HECTD4: variants seen among roughly 807,000 people sequenced by gnomAD.
HECTD4 encodes the protein probable E3 ubiquitin-protein ligase HECTD4.
In HECTD4, 114 loss-of-function variants were observed where a neutral mutation model predicts 471.5. The ratio of observed to expected loss-of-function variants is 0.24; its 90% CI spans 0.21 to 0.28. The LOEUF is 0.28. Ranked by LOEUF, HECTD4 falls within the 10% of genes least tolerant of loss-of-function variation. The pLI is 1.00. For synonymous variants in HECTD4, 2,012 were observed against 2,256.0 expected, an observed-to-expected ratio of 0.89 and a Z score of 3.07; for missense variants, 3,866 against 5,651.5, an observed-to-expected ratio of 0.68 and a Z score of 10.13.
Position 112,370,163 on chromosome 12 carries a change from C to T in HECTD4, c.177+11789G>A, listed in dbSNP as rs138965596. Among the ~76,000 whole-genome samples the T allele has an allele frequency of 1.2e-4, 19 of 152,224 alleles. No individual in the cohort carries two copies. The East Asian group carries it at 3.7e-3, about 29-fold the overall frequency. On this transcript the variant is annotated intron_variant, in intron 1 of 75. Coordinates refer to ENST00000682272, the MANE Select transcript of HECTD4 (RefSeq NM_001388303.1). ...ACAGATGAGAGACTGCAGTAACATA[C>T]TCTGAAGATGGAGGAAACAGCAACA... is the stretch of plus-strand genomic sequence containing the variant.
At chr12:112,174,908 C>CGTGT (rs141147690) in intron 66 of HECTD4, among the ~76,000 whole-genome samples, 2 of 151,750 alleles carry the variant, frequency 1.3e-5, no homozygotes, top group South Asian at 2.1e-4. Context: ...TGAGTAGGGG[C>CGTGT]GTGTGTGTGT....
chr12:112,168,672 C>T (rs75555218), intron 70 of HECTD4, among the ~76,000 whole-genome samples: 2,338 of 152,296 alleles, frequency 0.015, 68 homozygotes, highest in African/African-American at 0.053. Context: ...TGACTGCTGA[C>T]GCCTGGAAGG....
At chr12:112,348,814 C>T (rs2036201336) in intron 1 of HECTD4, among the ~76,000 whole-genome samples, 1 of 151,916 alleles carries the variant, frequency 6.6e-6, no homozygotes, top group Non-Finnish European at 1.5e-5. Flanking sequence ...AAAGTGCATG[C>T]ATAGGTTTTA....
intron 44 of HECTD4, among the ~76,000 whole-genome samples, chr12:112,220,972 C>T (rs1467135256): frequency 6.6e-6 from 1 of 152,094 alleles, no homozygotes; most frequent in Non-Finnish European, 1.5e-5. Context: ...TTTTTTGAGA[C>T]AAGGTCTCTC....
At chr12:112,375,029 C>T (rs540072318) in intron 1 of HECTD4, among the ~76,000 whole-genome samples, 2 of 152,032 alleles carry the variant, frequency 1.3e-5, no homozygotes, top group East Asian at 1.9e-4. Flanking sequence ...AAAGAGCCAT[C>T]GCCCCAAAAG....
chr12:112,183,321 G>GAA, intron 61 of HECTD4, 55 bp from the exon 62 acceptor site: 3 of 1,346,824 alleles, frequency 2.2e-6, no homozygotes, highest in African/African-American at 1.4e-5. Flanking sequence ...GTCATTCAGT[G>GAA]TGAGTGAACT....
chr12:112,235,401 GTCAC>G lies in HECTD4; in HGVS notation c.5725+99_5725+102del. The G allele has an allele frequency of 6.7e-7, 1 of 1,488,222 alleles. No homozygotes were observed. Among genetic ancestry groups the G allele is most frequent in the Non-Finnish European group, 9.1e-7 (1 of 1,103,558 alleles). 92.2% of individuals were successfully genotyped at this position (1,488,222 alleles called of 1,614,324 possible). On this transcript the variant is annotated intron_variant, in intron 36 of 75. Transcript: ENST00000682272. The surrounding 1 kb of genome is among the most constrained non-coding windows in gnomAD (Gnocchi z 5.0). Reference sequence around the variant, plus strand: ...TATTCCTGTCCCCGCTCCCTTCTCTGTCACTCACTCTTTCATCATAGGAAGCACA... The same window carrying G: ...TATTCCTGTCCCCGCTCCCTTCTCTGTCACTCTTTCATCATAGGAAGCACA...
In HECTD4 at chr12:112,179,152, T is replaced by A; in HGVS notation, c.11211+22A>T. ...CAGGGCACCCAAGGCCCGGCCTGGG[T>A]ATGGTGGGGACGGGCAGCTACCTGG... On this transcript the variant is annotated intron_variant, in intron 63 of 75. Transcript: ENST00000682272. This position sits in a 1 kb window ranked among gnomAD's most constrained non-coding sequence, Gnocchi z 4.3. The A allele has an allele frequency of 6.2e-7, 1 of 1,613,402 alleles. No individual in the cohort carries two copies. The highest frequency in any genetic ancestry group is 8.5e-7 in the Non-Finnish European group (1 of 1,179,680).
Position 112,184,399 on chromosome 12 carries a change from C to T in HECTD4, c.10567G>A (p.Gly3523Ser), listed in dbSNP as rs766925860. ...PAGLELPIPP[G>S]LLEPHAVSSQ... ...GACACCGCGTGGGGCTCCAACAGGC[C>T]CGGAGGGATGGGCAGCTCGAGGCCG... Residue 3523 changes from glycine (G) to serine (S), a missense_variant, in exon 61 of 76, where the codon GGC (glycine) becomes AGC (serine). Gly to Ser is a moderately conservative substitution (Grantham distance 56). Transcript: ENST00000682272. The surrounding 1 kb of genome is among the most constrained non-coding windows in gnomAD (Gnocchi z 9.1). 3 of 1,608,274 alleles carry T rather than the reference C, an allele frequency of 1.9e-6. No homozygotes were observed. The African/African-American group carries it at 4.0e-5, about 21-fold the overall frequency.
intron 9 of HECTD4, among the ~76,000 whole-genome samples, chr12:112,276,425 C>T (rs1025644801): frequency 1.4e-4 from 22 of 152,004 alleles, no homozygotes; most frequent in Non-Finnish European, 3.1e-4. Flanking sequence ...TGGTCAATAA[C>T]ATAAAAACCC....
chr12:112,235,795 AG>A lies in HECTD4; in HGVS notation c.5445-12del. 1 of 1,602,972 alleles carries A rather than the reference AG, an allele frequency of 6.2e-7. No homozygotes were observed. Among genetic ancestry groups the A allele is most frequent in the South Asian group, 1.1e-5 (1 of 89,126 alleles). The stretch of plus-strand genomic sequence containing the variant: ...TTACCTATGTGGCTCCTGGGAAAAA[AG>A]GAAGAAAAGGTACACAGTGCTAGAA... On this transcript the variant is annotated splice_polypyrimidine_tract_variant and intron_variant, in intron 35 of 75. Coordinates refer to ENST00000682272, the MANE Select transcript of HECTD4 (RefSeq NM_001388303.1). The surrounding 1 kb of genome is among the most constrained non-coding windows in gnomAD (Gnocchi z 5.0).
chr12:112,324,997 T>C (rs887993354), intron 1 of HECTD4, among the ~76,000 whole-genome samples: 6 of 152,190 alleles, frequency 3.9e-5, no homozygotes. Context: ...TAGTCTTTTA[T>C]TGAACTCAAA....
rs1171638285 is a variant in HECTD4 at position 112,167,928 on chromosome 12, G to T, written c.12209-11C>A. 2.5e-6 allele frequency: 4 copies of T among 1,610,070 alleles called. No individual in the cohort carries two copies. Among genetic ancestry groups the T allele is most frequent in the Middle Eastern group, 3.3e-4 (2 of 6,016 alleles). ...GGCGGAAAGAGCCGCCTGTAGGACA[G>T]ACGAGACACATGGGCACCTGGGGTG... On this transcript the variant is annotated splice_polypyrimidine_tract_variant and intron_variant, in intron 70 of 75. Transcript: ENST00000682272.
Position 112,193,016 on chromosome 12 carries a change from G to A in HECTD4, c.9086+45C>T. On this transcript the variant is annotated intron_variant, in intron 58 of 75. Coordinates refer to ENST00000682272, the MANE Select transcript of HECTD4 (RefSeq NM_001388303.1). The surrounding 1 kb of genome is among the most constrained non-coding windows in gnomAD (Gnocchi z 5.2). ...GGCCAGTTTCACCAGAATTCATTTA[G>A]CTTTCCTCTCCCCATCACCATCTTC... is the stretch of plus-strand genomic sequence containing the variant. 6.2e-7 allele frequency: 1 copy of A among 1,605,256 alleles called. No individual in the cohort carries two copies.
At chr12:112,376,233 C>T (rs765079428) in intron 1 of HECTD4, among the ~76,000 whole-genome samples, 4 of 151,996 alleles carry the variant, frequency 2.6e-5, no homozygotes, top group Non-Finnish European at 5.9e-5. Flanking sequence ...GCAAAAGCCT[C>T]ACTCTGCATT....
chr12:112,350,830 C>G (rs1435302122), intron 1 of HECTD4, among the ~76,000 whole-genome samples: 1 of 152,208 alleles, frequency 6.6e-6, no homozygotes, highest in Non-Finnish European at 1.5e-5. Flanking sequence ...ACACTTTGTT[C>G]TCCTGGTTAC....
At chr12:112,312,992 C>A in intron 4 of HECTD4, 25 bp downstream of exon 4, 1 of 1,531,780 alleles carries the variant, frequency 6.5e-7, no homozygotes, top group Non-Finnish European at 8.7e-7. Context: ...TACTATTAAT[C>A]ACAGGACAAA....
intron 1 of HECTD4, among the ~76,000 whole-genome samples, chr12:112,378,232 T>C (rs1234138037): frequency 6.6e-6 from 1 of 152,050 alleles, no homozygotes; most frequent in African/African-American, 2.4e-5. Flanking sequence ...TCTTTTTTTC[T>C]TTTTTTGACG....
rs1048345188 is a variant in HECTD4 at position 112,244,290 on chromosome 12, C to G, written c.4514-281G>C. On this transcript the variant is annotated intron_variant, in intron 29 of 75. Coordinates refer to ENST00000682272, the MANE Select transcript of HECTD4 (RefSeq NM_001388303.1). ...TGAATTTCATAGCTATCCATGTTCA[C>G]TTTAATGTAAGCATTCTAAAAAGCA... Among the ~76,000 whole-genome samples the G allele has an allele frequency of 2.6e-5, 4 of 152,274 alleles. No individual in the cohort carries two copies. In the South Asian group the frequency reaches 8.3e-4, roughly 32 times the overall value.
Sources: allele counts gnomAD v4.1 joint callset (sites outside exome capture counted in the v4.1 genomes callset), GRCh38; gene constraint gnomAD v4.1.1; non-coding constraint Gnocchi (gnomAD v3.1); transcripts MANE v1.5; gene names NCBI Gene and HGNC (gene_info 2026-07-23, HGNC 2026-07-21).